Variants in WASF3 observed in about 807,000 individuals in gnomAD.
WASF3 encodes the protein WASP family member 3, also known as actin-binding protein WASF3.
In WASF3, 11 loss-of-function variants were observed where a neutral mutation model predicts 46.6. The observed-to-expected ratio is 0.24, with a 90% CI of 0.15 to 0.39. The LOEUF is 0.39. Ranked by LOEUF, WASF3 falls within the 10% of genes least tolerant of loss-of-function variation. The probability of loss-of-function intolerance (pLI) is 1.00; values close to 1 mark genes in which losing one functional copy is unlikely to be tolerated. For synonymous variants in WASF3, 242 were observed against 259.7 expected (o/e 0.93, Z 0.65); for missense variants, 576 against 669.8 (o/e 0.86, Z 1.55).
chr13:26,582,676 C>CA (rs398022033), intron 1 of WASF3, among the ~76,000 whole-genome samples: 24,365 of 53,320 alleles, frequency 0.46, 8,480 homozygotes, highest in South Asian at 0.58. Flanking sequence ...GACTCCGTCT[C>CA]AAAAAAAAAA....
At chr13:26,571,661 A>G (rs946328822) in intron 1 of WASF3, among the ~76,000 whole-genome samples, 1 of 152,086 alleles carries the variant, frequency 6.6e-6, no homozygotes, top group African/African-American at 2.4e-5. Flanking sequence ...TGGAAAGGGC[A>G]TTTCTCCCTC....
At chr13:26,636,259 G>C (rs1212999037) in intron 2 of WASF3, among the ~76,000 whole-genome samples, 1 of 152,264 alleles carries the variant, frequency 6.6e-6, no homozygotes, top group African/African-American at 2.4e-5. Flanking sequence ...CTCACAGGTT[G>C]ATCTCAGACT....
rs1593165707 is a variant in WASF3 at position 26,642,294 on chromosome 13, T to G, written c.24T>G (p.Ile8Met). 1 of 1,587,804 alleles carries G rather than the reference T, an allele frequency of 6.3e-7. No homozygotes were observed. Residue 8 changes from isoleucine (I) to methionine (M), a missense_variant, in exon 3 of 10, where the codon ATT becomes ATG. Ile to Met is a conservative substitution (Grantham distance 10, BLOSUM62 1). Around this residue, in one of 3 missense-constraint regions of WASF3, gnomAD observed 213 missense variants for 278.0 expected, o/e 0.77. Transcript: ENST00000335327. Reference sequence around the variant, plus strand: ...CCATGCCTTTAGTGAAGAGGAACATTGAGCCCCGGCACTTGTGCCGGGGAG... The same window carrying G: ...CCATGCCTTTAGTGAAGAGGAACATGGAGCCCCGGCACTTGTGCCGGGGAG... Reference protein sequence around the residue: MPLVKRNIEPRHLCRGAL... With the variant: MPLVKRNMEPRHLCRGAL...
chr13:26,669,348 C>A (rs1882864702), intron 5 of WASF3, among the ~76,000 whole-genome samples: 1 of 140,998 alleles, frequency 7.1e-6, no homozygotes, highest in Admixed American at 7.2e-5. Context: ...ATATCTTTGA[C>A]TTTTTAATAG....
intron 1 of WASF3, among the ~76,000 whole-genome samples, chr13:26,565,458 T>C (rs1458966190): frequency 6.6e-6 from 1 of 152,112 alleles, no homozygotes. Context: ...TTTTCCAATA[T>C]AGAACACGTC....
At chr13:26,599,295 G>C (rs892355422) in intron 1 of WASF3, among the ~76,000 whole-genome samples, 8 of 147,826 alleles carry the variant, frequency 5.4e-5, no homozygotes, top group African/African-American at 2.0e-4. Context: ...CAGTTCTCCT[G>C]CCTCAGCCTC....
chr13:26,604,969 T>C (rs1047800548), intron 1 of WASF3, among the ~76,000 whole-genome samples: 1 of 152,212 alleles, frequency 6.6e-6, no homozygotes, highest in African/African-American at 2.4e-5. Context: ...CTTGTATCTG[T>C]GTTCTCTGCA....
At chr13:26,589,060 C>T (rs1467877627) in intron 1 of WASF3, among the ~76,000 whole-genome samples, 2 of 152,142 alleles carry the variant, frequency 1.3e-5, no homozygotes, top group Non-Finnish European at 2.9e-5. Context: ...TCTCAAAGTG[C>T]TGGGATTATA....
chr13:26,598,310 GTTGT>G (rs1384664258), intron 1 of WASF3, among the ~76,000 whole-genome samples: 2 of 152,058 alleles, frequency 1.3e-5, no homozygotes, highest in Non-Finnish European at 2.9e-5. Context: ...TTTTGATGGG[GTTGT>G]TTTTTTCTTG....
At chr13:26,542,023 A>G in the WASF3 span, among the ~76,000 whole-genome samples, 1 of 152,232 alleles carries the variant, frequency 6.6e-6, no homozygotes, top group Non-Finnish European at 1.5e-5. Flanking sequence ...TGTGGTACAC[A>G]TTAAGCACTT....
chr13:26,637,646 A>C (rs1038614174), intron 2 of WASF3, among the ~76,000 whole-genome samples: 2 of 152,030 alleles, frequency 1.3e-5, no homozygotes, highest in East Asian at 3.9e-4. Flanking sequence ...TGACTAGCCA[A>C]CTCCGCTGCT....
intron 1 of WASF3, among the ~76,000 whole-genome samples, chr13:26,609,814 G>T (rs1426987384): frequency 6.6e-6 from 1 of 152,110 alleles, no homozygotes; most frequent in Non-Finnish European, 1.5e-5. Context: ...TCAAATATTT[G>T]AGTGTCTATA....
chr13:26,636,902 T>G (rs1881842134), intron 2 of WASF3, among the ~76,000 whole-genome samples: 1 of 152,174 alleles, frequency 6.6e-6, no homozygotes, highest in African/African-American at 2.4e-5. Context: ...ACAAATTGTC[T>G]TTTCCTTAGG....
intron 1 of WASF3, among the ~76,000 whole-genome samples, chr13:26,594,594 C>T (rs1880404974): frequency 6.6e-6 from 1 of 152,162 alleles, no homozygotes; most frequent in Non-Finnish European, 1.5e-5. Flanking sequence ...TATCACTTTC[C>T]CCGTGTACAT....
chr13:26,671,247 A>G (rs1429462377), intron 5 of WASF3, among the ~76,000 whole-genome samples: 1 of 152,208 alleles, frequency 6.6e-6, no homozygotes, highest in African/African-American at 2.4e-5. Context: ...AGACCACAGT[A>G]ATTGCCTGTG....
chr13:26,544,682 G>C, the WASF3 span, among the ~76,000 whole-genome samples: 1 of 152,194 alleles, frequency 6.6e-6, no homozygotes, highest in Non-Finnish European at 1.5e-5. Flanking sequence ...TTGTTTCCCT[G>C]GTGCTGTATT....
chr13:26,582,676 C>CAAA (rs398022033), intron 1 of WASF3, among the ~76,000 whole-genome samples: 7,292 of 52,890 alleles, frequency 0.14, 1,818 homozygotes, highest in East Asian at 0.34. Context: ...GACTCCGTCT[C>CAAA]AAAAAAAAAA....
intron 5 of WASF3, among the ~76,000 whole-genome samples, chr13:26,667,957 A>G (rs1023069184): frequency 2.0e-4 from 30 of 152,184 alleles, no homozygotes; most frequent in African/African-American, 7.0e-4. Flanking sequence ...GAAGTGAGTA[A>G]GTTGCATAAC....
intron 2 of WASF3, among the ~76,000 whole-genome samples, chr13:26,627,854 T>C (rs983451103): frequency 2.7e-5 from 4 of 149,374 alleles, no homozygotes; most frequent in African/African-American, 9.9e-5. Flanking sequence ...ACCTGCACAA[T>C]GTGCACATGT....
Sources: allele counts gnomAD v4.1 joint callset (sites outside exome capture counted in the v4.1 genomes callset), GRCh38; gene constraint gnomAD v4.1.1; regional missense constraint gnomAD v4.1.1; transcripts MANE v1.5; gene names NCBI Gene and HGNC (gene_info 2026-07-23, HGNC 2026-07-21).